Variants in VPS50 observed in about 807,000 individuals in gnomAD.
VPS50 encodes VPS50 subunit of EARP/GARPII complex.
A neutral mutation model predicts 139.7 loss-of-function variants in VPS50; 70 were observed. The ratio of observed to expected loss-of-function variants is 0.50; its 90% CI spans 0.41 to 0.61. VPS50 has a LOEUF of 0.61. Among genes scored for constraint, VPS50 ranks in the 20% least tolerant of loss-of-function variants. VPS50 has a pLI of 0.00. For synonymous variants in VPS50, 365 were observed against 376.7 expected, an observed-to-expected ratio of 0.97 and a Z score of 0.36; for missense variants, 921 against 1,133.7, an observed-to-expected ratio of 0.81 and a Z score of 2.69.
intron 2 of VPS50, among the ~76,000 whole-genome samples, chr7:93,249,719 C>T (rs1795262908): frequency 6.6e-6 from 1 of 152,130 alleles, no homozygotes; most frequent in Admixed American, 6.6e-5. Context: ...CATTTCCTCC[C>T]CTCCCTCAGC....
intron 25 of VPS50, among the ~76,000 whole-genome samples, chr7:93,350,688 A>G (rs184482941): frequency 8.8e-4 from 133 of 150,916 alleles, no homozygotes; most frequent in Middle Eastern, 3.4e-3. Context: ...TAATGCTGTG[A>G]AAAAAAAAGC....
At chr7:93,307,320 A>G (rs1256641516) in intron 18 of VPS50, among the ~76,000 whole-genome samples, 4 of 151,970 alleles carry the variant, frequency 2.6e-5, no homozygotes, top group African/African-American at 9.7e-5. Flanking sequence ...GCCTTCTTGT[A>G]CTTAGAAACA....
rs1052905245 is a variant in VPS50 at position 93,358,920 on chromosome 7, T to G, written c.*484T>G. On this transcript the variant is annotated 3_prime_UTR_variant, in exon 28 of 28. Coordinates refer to ENST00000305866, the MANE Select transcript of VPS50 (RefSeq NM_017667.4). ...AAGTAAAATAGTTGAAAAATCAGTA[T>G]GTTCTCTGTTTTTAAAATGTCAAAG... 1.3e-5 allele frequency: 2 copies of G among 152,984 alleles called. No homozygotes were observed. Among genetic ancestry groups the G allele is most frequent in the African/African-American group, 2.4e-5 (1 of 41,442 alleles). The allele number at this position is 152,984 out of a possible 1,614,324, so 9.5% of individuals were successfully genotyped here.
rs570615245 is a variant in VPS50 at position 93,357,187 on chromosome 7, G to C, written c.2775+1107G>C. Reference sequence around the variant, plus strand: ...CTGTAAACACTTCTGGGTTGGTACTGAGGAAAGGGTTTTGGGAAAGAATAC... The same window carrying C: ...CTGTAAACACTTCTGGGTTGGTACTCAGGAAAGGGTTTTGGGAAAGAATAC... On this transcript the variant is annotated intron_variant, in intron 27 of 27. Transcript: ENST00000305866. Among the ~76,000 whole-genome samples the C allele has an allele frequency of 2.0e-5, 3 of 152,302 alleles. 1 individual carries two copies. The South Asian group carries it at 6.2e-4, about 32-fold the overall frequency.
chr7:93,359,013 G>T lies in VPS50; in HGVS notation c.*577G>T, dbSNP rs1798781661. The T allele has an allele frequency of 6.5e-6, 1 of 152,812 alleles. No homozygotes were observed. The highest frequency in any genetic ancestry group is 3.4e-3 in the Middle Eastern group (1 of 292). 9.5% of individuals were successfully genotyped at this position (152,812 alleles called of 1,614,324 possible). ...GGTGAAATTTAATAAATATACTCTAGTATGATCAGCCTATGTGAGACTACA... is the reference window on the plus strand; with the variant it reads ...GGTGAAATTTAATAAATATACTCTATTATGATCAGCCTATGTGAGACTACA... On this transcript the variant is annotated 3_prime_UTR_variant, in exon 28 of 28. Transcript: ENST00000305866.
rs568330160 is a variant in VPS50, at chr7:93,356,062, G to C, written c.2757G>C (p.Arg919=). 6.7e-7 allele frequency: 1 copy of C among 1,499,078 alleles called. No individual in the cohort carries two copies. Among genetic ancestry groups the C allele is most frequent in the East Asian group, 2.3e-5 (1 of 42,982 alleles). 92.9% of individuals were successfully genotyped at this position (1,499,078 alleles called of 1,614,324 possible). ...ACCTAACTGAGAATGACATGGAACG[G>C]TGGATCAAAGAGCACAGGGTGAGAG... ...AYYLTENDME[R]WIKEHREYST... The change falls in exon 27 of 28, where the codon CGG becomes CGC. Residue 919 remains arginine, a synonymous_variant. Transcript: ENST00000305866.
intron 3 of VPS50, among the ~76,000 whole-genome samples, chr7:93,253,456 A>T (rs1795394574): frequency 6.6e-6 from 1 of 152,190 alleles, no homozygotes; most frequent in South Asian, 2.1e-4. Context: ...ATCTGTTTTG[A>T]GTTCTATCAT....
intron 2 of VPS50, among the ~76,000 whole-genome samples, chr7:93,250,544 C>A (rs1269793900): frequency 6.6e-6 from 1 of 151,968 alleles, no homozygotes; most frequent in Admixed American, 6.6e-5. Flanking sequence ...AAAGTTAACC[C>A]AAGATGGATT....
At chr7:93,232,521 C>CAA (rs1562840688) in intron 1 of VPS50, 21 bp downstream of exon 1, 1 of 1,607,762 alleles carries the variant, frequency 6.2e-7, no homozygotes, top group Non-Finnish European at 8.5e-7. Context: ...GCGGCTGAAG[C>CAA]AAAGGCTTCC....
chr7:93,287,949 A>C (rs1222833228), intron 12 of VPS50, among the ~76,000 whole-genome samples: 1 of 152,192 alleles, frequency 6.6e-6, no homozygotes, highest in African/African-American at 2.4e-5. Flanking sequence ...ATAAAGGCAC[A>C]TCCAAGACTG....
chr7:93,299,451 A>G (rs1796911799), intron 16 of VPS50, among the ~76,000 whole-genome samples: 1 of 152,146 alleles, frequency 6.6e-6, no homozygotes. Context: ...GTATGTTCTT[A>G]TTTTGCTAAT....
At chr7:93,350,241 A>G (rs1258703958) in intron 25 of VPS50, among the ~76,000 whole-genome samples, 1 of 152,172 alleles carries the variant, frequency 6.6e-6, no homozygotes, top group Non-Finnish European at 1.5e-5. Context: ...AGCTTTGTTC[A>G]CTAATTTCCC....
intron 2 of VPS50, 88 bp from the exon 3 acceptor site, chr7:93,252,565 G>T: frequency 1.1e-6 from 1 of 885,646 alleles, no homozygotes; most frequent in South Asian, 1.5e-5. Flanking sequence ...AGGTAGATGT[G>T]ACTGTTAAGA....
chr7:93,314,006 G>T (rs1797348882), intron 20 of VPS50, among the ~76,000 whole-genome samples: 1 of 152,040 alleles, frequency 6.6e-6, no homozygotes, highest in South Asian at 2.1e-4. Context: ...CTCTCCCTGG[G>T]ATGTTTTTAT....
chr7:93,234,021 T>G (rs1794723565), intron 1 of VPS50, among the ~76,000 whole-genome samples: 1 of 152,246 alleles, frequency 6.6e-6, no homozygotes, highest in South Asian at 2.1e-4. Flanking sequence ...AAGCAATAGA[T>G]AAGTTCATGC....
intron 9 of VPS50, among the ~76,000 whole-genome samples, chr7:93,263,164 A>C (rs1380285918): frequency 2.0e-5 from 3 of 152,102 alleles, no homozygotes; most frequent in Admixed American, 1.3e-4. Context: ...ACACTTTTAA[A>C]ATGTATTTAA....
At chr7:93,337,840 G>A (rs1798106815) in intron 22 of VPS50, among the ~76,000 whole-genome samples, 1 of 152,018 alleles carries the variant, frequency 6.6e-6, no homozygotes, top group African/African-American at 2.4e-5. Flanking sequence ...CTCCAGTGAT[G>A]TTTTTCTGGG....
rs1227853655 is a variant in VPS50 at position 93,359,329 on chromosome 7, C to T, written c.*893C>T. On this transcript the variant is annotated 3_prime_UTR_variant, in exon 28 of 28. Transcript: ENST00000305866. Reference sequence around the variant, plus strand: ...ACTCAGGAAACAGTTGTCTGCTAGTCACTCATAAATGTACGGTCATATGTT... The same window carrying T: ...ACTCAGGAAACAGTTGTCTGCTAGTTACTCATAAATGTACGGTCATATGTT... 2.0e-5 allele frequency: 3 copies of T among 152,072 alleles called. No homozygotes were observed. Among genetic ancestry groups the T allele is most frequent in the Admixed American group, 6.6e-5 (1 of 15,236 alleles). The allele number at this position is 152,072 out of a possible 1,614,324, so 9.4% of individuals were successfully genotyped here.
chr7:93,319,109 A>G (rs1286659200), intron 20 of VPS50, among the ~76,000 whole-genome samples: 1 of 152,178 alleles, frequency 6.6e-6, no homozygotes, highest in Admixed American at 6.5e-5. Context: ...ACAAGGTGCA[A>G]AGAACATATC....
Sources: gnomAD v4.1 joint callset for allele counts (sites outside exome capture counted in the v4.1 genomes callset) on GRCh38, gnomAD v4.1.1 for gene constraint, MANE v1.5 for transcripts, NCBI Gene and HGNC (gene_info 2026-07-23, HGNC 2026-07-21) for gene names.